SCHIP1: variants seen among roughly 807,000 people sequenced by gnomAD.
The protein encoded by SCHIP1 is schwannomin interacting protein 1.
A neutral mutation model predicts 29.7 loss-of-function variants in SCHIP1; 8 were observed. The ratio of observed to expected loss-of-function variants is 0.27; its 90% CI spans 0.16 to 0.49. SCHIP1 has a LOEUF of 0.49. SCHIP1 is among the 20% of genes least tolerant of loss of function. The pLI, the probability that SCHIP1 is intolerant of heterozygous loss-of-function variation, is 0.99. For missense variants in SCHIP1, 193 were observed against 294.6 expected (o/e 0.66, Z 2.52); for synonymous variants, 76 against 94.9 (o/e 0.80, Z 1.16).
At chr3:159,332,886 G>T in the SCHIP1 span, among the ~76,000 whole-genome samples, 1 of 152,124 alleles carries the variant, frequency 6.6e-6, no homozygotes, top group Admixed American at 6.6e-5. Context: ...TATGTTTCTG[G>T]GTTTTTACTG....
the SCHIP1 span, among the ~76,000 whole-genome samples, chr3:159,676,617 G>A: frequency 6.6e-6 from 1 of 152,136 alleles, no homozygotes; most frequent in African/African-American, 2.4e-5. Flanking sequence ...CAGACCTTGA[G>A]CAGTCTCTCT....
At chr3:159,476,557 A>G in the SCHIP1 span, among the ~76,000 whole-genome samples, 1 of 152,208 alleles carries the variant, frequency 6.6e-6, no homozygotes, top group African/African-American at 2.4e-5. Context: ...ATCAGTGTGC[A>G]CTATGAATAG....
At chr3:159,667,318 A>G in the SCHIP1 span, among the ~76,000 whole-genome samples, 1 of 152,294 alleles carries the variant, frequency 6.6e-6, no homozygotes, top group East Asian at 1.9e-4. Flanking sequence ...GCCCAGTTCC[A>G]CCCCTCAGGA....
chr3:159,830,326 TTTGA>T, the SCHIP1 span, among the ~76,000 whole-genome samples: 1 of 152,216 alleles, frequency 6.6e-6, no homozygotes, highest in Non-Finnish European at 1.5e-5. Context: ...GATAGAAACA[TTTGA>T]TTGTTTTGCA....
At chr3:159,730,327 C>A in the SCHIP1 span, among the ~76,000 whole-genome samples, 1 of 152,084 alleles carries the variant, frequency 6.6e-6, no homozygotes, top group Non-Finnish European at 1.5e-5. Context: ...GGGATGATGA[C>A]CATTTTTACC....
chr3:159,432,138 G>A, the SCHIP1 span, among the ~76,000 whole-genome samples: 1 of 152,124 alleles, frequency 6.6e-6, no homozygotes, highest in African/African-American at 2.4e-5. Flanking sequence ...GTTTGACTGA[G>A]GCTGGAGGAT....
At chr3:159,337,930 C>A in the SCHIP1 span, among the ~76,000 whole-genome samples, 1 of 152,126 alleles carries the variant, frequency 6.6e-6, no homozygotes, top group Non-Finnish European at 1.5e-5. Context: ...CTTTGTTTAC[C>A]ATGGGTCTGC....
At chr3:159,557,067 C>T in the SCHIP1 span, among the ~76,000 whole-genome samples, 1 of 151,808 alleles carries the variant, frequency 6.6e-6, no homozygotes, top group African/African-American at 2.4e-5. Context: ...ACGCCATTCT[C>T]CTGCCTCAGC....
the SCHIP1 span, among the ~76,000 whole-genome samples, chr3:159,405,331 G>T: frequency 1.3e-5 from 2 of 152,216 alleles, no homozygotes; most frequent in African/African-American, 4.8e-5. Flanking sequence ...GAGAGATAGA[G>T]ATTTGCGGCC....
chr3:159,641,803 A>T, the SCHIP1 span, among the ~76,000 whole-genome samples: 1 of 152,172 alleles, frequency 6.6e-6, no homozygotes, highest in Non-Finnish European at 1.5e-5. Flanking sequence ...TCTAAGAAAT[A>T]AAATATTGGT....
chr3:159,636,741 C>T, the SCHIP1 span, among the ~76,000 whole-genome samples: 7 of 152,250 alleles, frequency 4.6e-5, no homozygotes, highest in Non-Finnish European at 8.8e-5. Context: ...AGGGACTACA[C>T]GTTTAAAGCA....
the SCHIP1 span, among the ~76,000 whole-genome samples, chr3:159,601,999 AC>A: frequency 1.7e-3 from 261 of 152,316 alleles, 1 homozygote; most frequent in African/African-American, 6.1e-3. Flanking sequence ...AGGGTGAGTA[AC>A]CCAGAACAAG....
chr3:159,300,113 CTTTTTTTTTTT>C, the SCHIP1 span, among the ~76,000 whole-genome samples: 729 of 45,394 alleles, frequency 0.016, 37 homozygotes, highest in Non-Finnish European at 0.024. Context: ...GGGAAAGCTG[CTTTTTTTTTTT>C]TTTTTTTTTT....
chr3:159,568,459 C>G, the SCHIP1 span, among the ~76,000 whole-genome samples: 1 of 151,920 alleles, frequency 6.6e-6, no homozygotes, highest in South Asian at 2.1e-4. Flanking sequence ...CTTTCTATTC[C>G]TACTTCACTG....
At chr3:159,596,267 T>C in the SCHIP1 span, among the ~76,000 whole-genome samples, 1 of 152,130 alleles carries the variant, frequency 6.6e-6, no homozygotes, top group African/African-American at 2.4e-5. Flanking sequence ...TCACACCAGT[T>C]AGAATGGTGA....
the SCHIP1 span, among the ~76,000 whole-genome samples, chr3:159,772,541 T>C: frequency 3.9e-5 from 6 of 152,238 alleles, no homozygotes; most frequent in Admixed American, 3.9e-4. Flanking sequence ...AAACACATAT[T>C]ACACATTCCC....
chr3:159,733,662 G>A, the SCHIP1 span, among the ~76,000 whole-genome samples: 1 of 152,146 alleles, frequency 6.6e-6, no homozygotes, highest in Non-Finnish European at 1.5e-5. Flanking sequence ...TCATTCATCT[G>A]AGTAGTCACT....
At chr3:159,570,561 T>C in the SCHIP1 span, among the ~76,000 whole-genome samples, 1 of 152,198 alleles carries the variant, frequency 6.6e-6, no homozygotes, top group Non-Finnish European at 1.5e-5. Context: ...TGTAGTATAG[T>C]TTGAAGTCAG....
the SCHIP1 span, among the ~76,000 whole-genome samples, chr3:159,432,824 A>G: frequency 6.6e-6 from 1 of 152,180 alleles, no homozygotes; most frequent in Admixed American, 6.5e-5. Context: ...GAGGGAGCGG[A>G]TGCATCAGTG....
Sources: gnomAD v4.1 joint callset for allele counts (sites outside exome capture counted in the v4.1 genomes callset) on GRCh38, gnomAD v4.1.1 for gene constraint, MANE v1.5 for transcripts, NCBI Gene and HGNC (gene_info 2026-07-23, HGNC 2026-07-21) for gene names.